Variants in ZNF333 observed in about 807,000 individuals in gnomAD.
ZNF333 encodes zinc finger protein 333.
A neutral mutation model predicts 76.1 loss-of-function variants in ZNF333; 61 were observed. The ratio of observed to expected loss-of-function variants is 0.80; its 90% CI spans 0.65 to 0.99. ZNF333 has a LOEUF of 0.99. ZNF333 is among the 50% of genes least tolerant of loss of function. The pLI is 0.00. For missense variants in ZNF333, 717 were observed against 822.4 expected (o/e 0.87, Z 1.57); for synonymous variants, 284 against 305.0 (o/e 0.93, Z 0.72).
At chr19:14,705,231 G>C in intron 6 of ZNF333, 61 bp downstream of exon 6, 1 of 1,488,044 alleles carries the variant, frequency 6.7e-7, no homozygotes, top group Non-Finnish European at 9.2e-7. Flanking sequence ...CCTGGGGTGT[G>C]GGTTGTCTGT....
At chr19:14,703,990 C>T (rs1056055481) in intron 5 of ZNF333, among the ~76,000 whole-genome samples, 1 of 152,120 alleles carries the variant, frequency 6.6e-6, no homozygotes, top group Non-Finnish European at 1.5e-5. Flanking sequence ...TTTTCTCACC[C>T]TTATGGAGGC....
At chr19:14,731,736 GT>G (rs1372992108) in exon 12 of ZNF333, 2 of 152,294 alleles carry the variant, frequency 1.3e-5, no homozygotes, top group East Asian at 3.8e-4. Flanking sequence ...CTTAACTCTT[GT>G]TTATCTTTGG....
intron 5 of ZNF333, among the ~76,000 whole-genome samples, chr19:14,703,826 T>G (rs1260823136): frequency 2.6e-5 from 4 of 152,164 alleles, no homozygotes; most frequent in Non-Finnish European, 5.9e-5. Flanking sequence ...ATGTGGGCTG[T>G]GGGTCACGGG....
intron 7 of ZNF333, among the ~76,000 whole-genome samples, chr19:14,711,291 A>G (rs935539761): frequency 1.3e-5 from 2 of 152,170 alleles, no homozygotes; most frequent in Non-Finnish European, 2.9e-5. Context: ...CCTGAAATCC[A>G]AGTTCCCAGA....
intron 6 of ZNF333, chr19:14,706,451 C>T: frequency 1.9e-6 from 1 of 522,032 alleles, no homozygotes. Context: ...TTGGAGGGTG[C>T]CACCTTCCCC....
At chr19:14,703,049 A>G (rs868576663) in intron 5 of ZNF333, among the ~76,000 whole-genome samples, 2 of 151,098 alleles carry the variant, frequency 1.3e-5, no homozygotes, top group Non-Finnish European at 3.0e-5. Context: ...CTAAAAATAC[A>G]AAAAATTAGC....
chr19:14,712,330 G>A (rs545015648), intron 7 of ZNF333, among the ~76,000 whole-genome samples: 3 of 151,818 alleles, frequency 2.0e-5, no homozygotes, highest in East Asian at 1.9e-4. Flanking sequence ...CGTGATTCTC[G>A]TGCCTCAGCC....
intron 9 of ZNF333, 107 bp downstream of exon 9, chr19:14,716,345 G>A (rs534984163): frequency 2.8e-5 from 37 of 1,315,082 alleles, no homozygotes; most frequent in South Asian, 1.7e-4. Flanking sequence ...TGCAACCTCC[G>A]CTTCCTGGGC....
intron 4 of ZNF333, among the ~76,000 whole-genome samples, chr19:14,698,901 T>TATATAG (rs1038062845): frequency 6.6e-4 from 8 of 12,200 alleles, no homozygotes; most frequent in African/African-American, 9.6e-4. Flanking sequence ...CAAATATAGA[T>TATATAG]ATATATATAT....
Position 14,719,308 on chromosome 19 carries a change from G to A in ZNF333, c.1981G>A (p.Gly661Arg). Residue 661 changes from glycine (G) to arginine (R), a missense_variant, in exon 12 of 12, where the codon GGG (glycine) becomes AGG (arginine). Gly to Arg is a moderately radical substitution (Grantham distance 125). Coordinates refer to ENST00000292530, the MANE Select transcript of ZNF333 (RefSeq NM_032433.4). Reference protein sequence around the residue: ...LPLSMSHPYCGPLAN With the variant: ...LPLSMSHPYCRPLAN ...TTTATCCATGTCTCATCCATACTGTGGGCCCCTTGCTAATTAACTTCCATT... is the reference window on the plus strand; with the variant it reads ...TTTATCCATGTCTCATCCATACTGTAGGCCCCTTGCTAATTAACTTCCATT... 1 of 1,602,330 alleles carries A rather than the reference G, an allele frequency of 6.2e-7. No individual in the cohort carries two copies. The highest frequency in any genetic ancestry group is 1.1e-5 in the South Asian group (1 of 89,680).
At position 14,719,460 on chromosome 19, in the gene ZNF333, C is replaced by T. The variant is rs1407275409; in HGVS notation, c.*135C>T. ...TAAGTATTGTCTTAACCTCCATTAT[C>T]GTTTATTCTTTGACCCATCTATTAT... On this transcript the variant is annotated 3_prime_UTR_variant, in exon 12 of 12. Transcript: ENST00000292530. 28 of 1,146,802 alleles carry T rather than the reference C, an allele frequency of 2.4e-5. No homozygotes were observed. The highest frequency in any genetic ancestry group is 1.2e-4 in the Admixed American group (4 of 32,372). The allele number at this position is 1,146,802 out of a possible 1,614,324, so 71.0% of individuals were successfully genotyped here.
At chr19:14,726,268 C>A (rs771591349), downstream of ZNF333, among the ~76,000 whole-genome samples, 1 of 152,160 alleles carries the variant, frequency 6.6e-6, no homozygotes, top group Non-Finnish European at 1.5e-5. Context: ...CTGGAACTGG[C>A]CCGCTAAATC....
chr19:14,704,633 T>C (rs1417554454), intron 5 of ZNF333, among the ~76,000 whole-genome samples: 1 of 152,206 alleles, frequency 6.6e-6, no homozygotes, highest in Non-Finnish European at 1.5e-5. Context: ...CTTACATGGA[T>C]GGCAGCAAGT....
chr19:14,694,361 T>C (rs1217625768), intron 2 of ZNF333, among the ~76,000 whole-genome samples: 1 of 151,884 alleles, frequency 6.6e-6, no homozygotes, highest in African/African-American at 2.4e-5. Context: ...TAATCCCAGC[T>C]ACTTGGGAGG....
exon 12 of ZNF333, chr19:14,731,333 A>C (rs2147052244): frequency 1.3e-6 from 1 of 769,392 alleles, no homozygotes; most frequent in East Asian, 2.7e-5. Flanking sequence ...TGGACTTTCA[A>C]ACTTCCAGTT....
chr19:14,723,536 T>A (rs931737024), downstream of ZNF333, among the ~76,000 whole-genome samples: 1 of 152,246 alleles, frequency 6.6e-6, no homozygotes, highest in Non-Finnish European at 1.5e-5. Flanking sequence ...GCAATGCTTT[T>A]TAGCTTTCAG....
chr19:14,690,421 A>G (rs1304944282), intron 1 of ZNF333, among the ~76,000 whole-genome samples: 1 of 152,198 alleles, frequency 6.6e-6, no homozygotes, highest in African/African-American at 2.4e-5. Context: ...CAGCTCAGAA[A>G]TGTGGTGACA....
intron 5 of ZNF333, chr19:14,702,023 C>A: frequency 2.2e-6 from 1 of 464,564 alleles, no homozygotes; most frequent in Non-Finnish European, 2.8e-6. Context: ...CTTTAGGTAG[C>A]CCTTCCAGGC....
At chr19:14,726,715 G>A (rs527782696), downstream of ZNF333, among the ~76,000 whole-genome samples, 35 of 152,252 alleles carry the variant, frequency 2.3e-4, no homozygotes, top group African/African-American at 8.4e-4. Context: ...CAGGTCCTTT[G>A]CCAGGGAATA....
Sources: allele counts gnomAD v4.1 joint callset (sites outside exome capture counted in the v4.1 genomes callset), GRCh38; gene constraint gnomAD v4.1.1; transcripts MANE v1.5; gene names NCBI Gene and HGNC (gene_info 2026-07-23, HGNC 2026-07-21).